Variants in SPIN1 observed in about 807,000 individuals in gnomAD.
The protein encoded by SPIN1 is spindlin-1.
A neutral mutation model predicts 26.0 loss-of-function variants in SPIN1; 3 were observed. The ratio of observed to expected loss-of-function variants is 0.12; its 90% CI spans 0.05 to 0.30. SPIN1 has a LOEUF of 0.30. Among genes scored for constraint, SPIN1 ranks in the 10% least tolerant of loss-of-function variants. The pLI, the probability that SPIN1 is intolerant of heterozygous loss-of-function variation, is 1.00. For missense variants in SPIN1, 126 were observed against 333.4 expected (o/e 0.38, Z 4.84); for synonymous variants, 101 against 116.5 (o/e 0.87, Z 0.86).
At chr9:88,442,687 G>A (rs1462895561) in intron 2 of SPIN1, among the ~76,000 whole-genome samples, 1 of 151,584 alleles carries the variant, frequency 6.6e-6, no homozygotes, top group Admixed American at 6.6e-5. Context: ...GCCTGGTGAA[G>A]ATTTTTTTTT....
chr9:88,441,427 G>A (rs568823149), intron 2 of SPIN1, among the ~76,000 whole-genome samples: 13 of 148,868 alleles, frequency 8.7e-5, no homozygotes, highest in East Asian at 2.0e-4. Flanking sequence ...GCGCGCGCGC[G>A]CCCATGTGTG....
At chr9:88,406,321 C>T (rs1330378631) in intron 1 of SPIN1, among the ~76,000 whole-genome samples, 4 of 148,442 alleles carry the variant, frequency 2.7e-5, no homozygotes, top group Admixed American at 6.8e-5. Context: ...GTTGGAGTCT[C>T]GCTCTGTCAC....
chr9:88,431,386 G>C (rs1157472596), intron 2 of SPIN1, among the ~76,000 whole-genome samples: 1 of 150,674 alleles, frequency 6.6e-6, no homozygotes, highest in Non-Finnish European at 1.5e-5. Flanking sequence ...CGCCTCCTGG[G>C]TTCAAGTGAT....
chr9:88,447,774 G>C (rs2118126926), intron 2 of SPIN1, among the ~76,000 whole-genome samples: 1 of 152,244 alleles, frequency 6.6e-6, no homozygotes, highest in East Asian at 1.9e-4. Flanking sequence ...ACGCTACACT[G>C]AGTCACAACA....
rs1828879708 is a variant in SPIN1, at chr9:88,475,791, T to C, written c.*514T>C. ...CAGTCTTTGTGGATTAGGATGGGGG[T>C]GACATAATTTTCTTGAGTTTAACAG... On this transcript the variant is annotated 3_prime_UTR_variant, in exon 6 of 6. Transcript: ENST00000375859. The C allele has an allele frequency of 6.6e-6, 1 of 152,020 alleles. No individual in the cohort carries two copies. The highest frequency in any genetic ancestry group is 2.4e-5 in the African/African-American group (1 of 41,316). The allele number at this position is 152,020 out of a possible 1,614,324, so 9.4% of individuals were successfully genotyped here.
At chr9:88,427,584 C>CT (rs200278799) in intron 2 of SPIN1, among the ~76,000 whole-genome samples, 4 of 151,022 alleles carry the variant, frequency 2.6e-5, no homozygotes, top group Non-Finnish European at 5.9e-5. Context: ...AAAAACGGGA[C>CT]TTTTTTTTTC....
intron 4 of SPIN1, among the ~76,000 whole-genome samples, chr9:88,464,542 C>A (rs1289528039): frequency 6.6e-6 from 1 of 152,224 alleles, no homozygotes; most frequent in Admixed American, 6.5e-5. Context: ...AGGAGATTTG[C>A]AAGGTCAGAA....
At chr9:88,418,466 ACACTTGACATGTTT>A (rs1827610998) in intron 1 of SPIN1, among the ~76,000 whole-genome samples, 1 of 152,208 alleles carries the variant, frequency 6.6e-6, no homozygotes, top group African/African-American at 2.4e-5. Flanking sequence ...GCTTCAGTTT[ACACTTGACATGTTT>A]CACTATTAGT....
At chr9:88,468,769 T>C (rs1023818484) in intron 5 of SPIN1, among the ~76,000 whole-genome samples, 164 bp downstream of exon 5, 2 of 152,216 alleles carry the variant, frequency 1.3e-5, no homozygotes, top group Admixed American at 6.5e-5. Context: ...CCAGTTGTTA[T>C]AAATGTTAGA....
At chr9:88,441,480 G>GT (rs1212170013) in intron 2 of SPIN1, among the ~76,000 whole-genome samples, 1 of 148,994 alleles carries the variant, frequency 6.7e-6, no homozygotes. Flanking sequence ...GGCCAGGCCA[G>GT]TATGCTGTGG....
intron 4 of SPIN1, among the ~76,000 whole-genome samples, chr9:88,462,988 A>T (rs1828600329): frequency 6.6e-6 from 1 of 152,182 alleles, no homozygotes; most frequent in Admixed American, 6.6e-5. Context: ...AATAATTTAT[A>T]ATACGGTTAT....
intron 5 of SPIN1, among the ~76,000 whole-genome samples, chr9:88,469,992 C>G (rs1260657859): frequency 6.6e-6 from 1 of 152,170 alleles, no homozygotes; most frequent in African/African-American, 2.4e-5. Context: ...TCTTCGAACC[C>G]CCTGGCCTTA....
chr9:88,405,062 C>A (rs1827267573), intron 1 of SPIN1, among the ~76,000 whole-genome samples: 1 of 152,048 alleles, frequency 6.6e-6, no homozygotes, highest in Admixed American at 6.6e-5. Flanking sequence ...GTACTTTCTT[C>A]TGGAGTACCT....
chr9:88,454,143 ATTTG>A (rs370427229), intron 3 of SPIN1, among the ~76,000 whole-genome samples: 1 of 152,266 alleles, frequency 6.6e-6, no homozygotes, highest in African/African-American at 2.4e-5. Context: ...GTATCTTGGT[ATTTG>A]TTTTACAGTA....
At chr9:88,434,368 GTTTAT>G (rs72302726) in intron 2 of SPIN1, among the ~76,000 whole-genome samples, 2 of 134,372 alleles carry the variant, frequency 1.5e-5, no homozygotes, top group East Asian at 2.0e-4. Flanking sequence ...TTATAAAATA[GTTTAT>G]TTTATAAATT....
chr9:88,400,493 G>A (rs565583699), intron 1 of SPIN1, among the ~76,000 whole-genome samples: 19 of 152,196 alleles, frequency 1.2e-4, no homozygotes, highest in South Asian at 4.1e-4. Context: ...CTGATGCCTC[G>A]GTTAGATTTT....
chr9:88,431,362 C>T (rs796676010), intron 2 of SPIN1, among the ~76,000 whole-genome samples: 63 of 151,244 alleles, frequency 4.2e-4, no homozygotes, highest in African/African-American at 1.5e-3. Context: ...ATGATCTCGG[C>T]TCATTGCAAC....
rs572667009 is a variant in SPIN1, at chr9:88,438,021, C to T, written c.53-10920C>T. 2.2e-4 allele frequency among the ~76,000 whole-genome samples: 33 copies of T among 152,022 alleles called. 1 individual carries two copies. Among genetic ancestry groups the T allele is most frequent in the African/African-American group, 3.4e-4 (14 of 41,482 alleles). The stretch of plus-strand genomic sequence containing the variant: ...AGAAAGATTAGCTGGCGTGGTGATG[C>T]GCGCCTGTAATCCCAGCTACTTGGG... On this transcript the variant is annotated intron_variant, in intron 2 of 5. Transcript: ENST00000375859.
chr9:88,437,885 C>T (rs1310381751), intron 2 of SPIN1, among the ~76,000 whole-genome samples: 9 of 152,066 alleles, frequency 5.9e-5, no homozygotes, highest in Non-Finnish European at 1.0e-4. Flanking sequence ...TTTATCTGGG[C>T]GTGGTGGCTC....
Sources: allele counts gnomAD v4.1 joint callset (sites outside exome capture counted in the v4.1 genomes callset), GRCh38; gene constraint gnomAD v4.1.1; transcripts MANE v1.5; gene names NCBI Gene and HGNC (gene_info 2026-07-23, HGNC 2026-07-21).